Variants in PCDH15 observed in about 807,000 individuals in gnomAD.
PCDH15 encodes protocadherin related 15.
In PCDH15, 129 loss-of-function variants were observed where a neutral mutation model predicts 178.5. That is an observed-to-expected ratio of 0.72 (90% CI 0.63 to 0.84). The LOEUF is 0.84. Ranked by LOEUF, PCDH15 falls within the 40% of genes least tolerant of loss-of-function variation. The probability of loss-of-function intolerance (pLI) is 0.00; values close to 1 mark genes in which losing one functional copy is unlikely to be tolerated. For missense variants in PCDH15, 2,230 were observed against 2,099.9 expected, an observed-to-expected ratio of 1.06 and a Z score of -1.21; for synonymous variants, 800 against 732.0, an observed-to-expected ratio of 1.09 and a Z score of -1.50.
chr10:54,619,871 T>C (rs1386434399), intron 2 of PCDH15, among the ~76,000 whole-genome samples: 3 of 152,058 alleles, frequency 2.0e-5, no homozygotes, highest in Admixed American at 6.6e-5. Flanking sequence ...ACTGATTGTG[T>C]TATCCAAGAC....
chr10:55,074,354 CCA>C (rs1564773816), intron 2 of PCDH15, among the ~76,000 whole-genome samples: 1 of 152,120 alleles, frequency 6.6e-6, no homozygotes, highest in African/African-American at 2.4e-5. Context: ...TCCTATTTCT[CCA>C]CAGTCTTACC....
At chr10:54,950,598 C>T (rs1211108497) in intron 2 of PCDH15, among the ~76,000 whole-genome samples, 1 of 151,958 alleles carries the variant, frequency 6.6e-6, no homozygotes, top group Non-Finnish European at 1.5e-5. Context: ...GTAAATTGCC[C>T]AGTCTTGGGT....
intron 23 of PCDH15, among the ~76,000 whole-genome samples, 198 bp from the exon 24 acceptor site, chr10:53,941,173 T>C (rs186138952): frequency 7.5e-4 from 114 of 152,280 alleles, no homozygotes; most frequent in African/African-American, 2.7e-3. Context: ...ATTGACCCAT[T>C]ATCACTGAAA....
At chr10:54,311,662 G>A (rs1386052394) in intron 8 of PCDH15, among the ~76,000 whole-genome samples, 1 of 151,966 alleles carries the variant, frequency 6.6e-6, no homozygotes, top group Non-Finnish European at 1.5e-5. Flanking sequence ...AATTAGCAGA[G>A]TACTATGAAT....
intron 2 of PCDH15, among the ~76,000 whole-genome samples, chr10:54,593,610 T>C (rs573217572): frequency 2.0e-3 from 306 of 152,290 alleles, no homozygotes; most frequent in African/African-American, 6.9e-3. Context: ...GTGATGCCTC[T>C]AGCTTGCTTT....
At chr10:55,009,650 T>G (rs1018292899) in intron 2 of PCDH15, among the ~76,000 whole-genome samples, 1 of 152,114 alleles carries the variant, frequency 6.6e-6, no homozygotes, top group African/African-American at 2.4e-5. Flanking sequence ...TTTACAAGAA[T>G]TATTATTATT....
At chr10:53,944,520 GA>G (rs948624756) in intron 23 of PCDH15, among the ~76,000 whole-genome samples, 8 of 152,132 alleles carry the variant, frequency 5.3e-5, no homozygotes, top group South Asian at 2.1e-4. Flanking sequence ...ATCCATTTAT[GA>G]AAAAAATGCA....
At chr10:55,564,552 C>CTGAT in intron 2 of PCDH15, among the ~76,000 whole-genome samples, 1 of 151,640 alleles carries the variant, frequency 6.6e-6, no homozygotes, top group Non-Finnish European at 1.5e-5. Context: ...GCCCTTCAAA[C>CTGAT]AAAAGACTGA....
At chr10:54,048,758 A>G (rs1239787289) in intron 18 of PCDH15, among the ~76,000 whole-genome samples, 1 of 151,992 alleles carries the variant, frequency 6.6e-6, no homozygotes, top group East Asian at 1.9e-4. Context: ...TGTAGCCTAT[A>G]CTACTGTAGG....
chr10:55,360,949 A>C (rs1317753095), intron 2 of PCDH15, among the ~76,000 whole-genome samples: 1 of 152,052 alleles, frequency 6.6e-6, no homozygotes, highest in South Asian at 2.1e-4. Flanking sequence ...CGTATTCAGA[A>C]TAAACTGATG....
intron 14 of PCDH15, among the ~76,000 whole-genome samples, chr10:54,138,066 G>A (rs1487447788): frequency 6.6e-6 from 1 of 152,162 alleles, no homozygotes. Flanking sequence ...GTGAGTGTCA[G>A]GTTCTTTGTG....
chr10:54,501,511 A>T (rs1350946537), intron 3 of PCDH15, among the ~76,000 whole-genome samples: 1 of 152,136 alleles, frequency 6.6e-6, no homozygotes, highest in African/African-American at 2.4e-5. Flanking sequence ...AACAACTTTG[A>T]AAAGAATTTC....
At chr10:54,210,702 A>G (rs2051333928) in intron 10 of PCDH15, among the ~76,000 whole-genome samples, 1 of 151,942 alleles carries the variant, frequency 6.6e-6, no homozygotes, top group African/African-American at 2.4e-5. Context: ...AGGGCACTGG[A>G]AGCGGTTTAG....
chr10:54,555,736 C>CAAA (rs869032040), intron 2 of PCDH15, among the ~76,000 whole-genome samples: 12 of 73,376 alleles, frequency 1.6e-4, no homozygotes, highest in Non-Finnish European at 2.1e-4. Flanking sequence ...GACTCTGTCT[C>CAAA]AAAAAAAAAA....
intron 11 of PCDH15, among the ~76,000 whole-genome samples, chr10:54,186,908 T>G (rs533567914): frequency 3.0e-4 from 46 of 152,174 alleles, no homozygotes; most frequent in African/African-American, 1.0e-3. Context: ...AGCATTCTTA[T>G]TTTACACTTT....
intron 2 of PCDH15, among the ~76,000 whole-genome samples, chr10:55,490,667 G>A (rs1198188706): frequency 6.6e-6 from 1 of 151,726 alleles, no homozygotes; most frequent in Non-Finnish European, 1.5e-5. Flanking sequence ...GATAATATCA[G>A]TCTAACCTAT....
intron 26 of PCDH15, among the ~76,000 whole-genome samples, chr10:53,879,403 G>A (rs1377495752): frequency 6.6e-6 from 1 of 152,116 alleles, no homozygotes; most frequent in African/African-American, 2.4e-5. Flanking sequence ...TATAAGGAGG[G>A]TGGGAGCCAA....
chr10:54,225,456 C>T (rs1459647831), intron 9 of PCDH15, among the ~76,000 whole-genome samples: 4 of 152,164 alleles, frequency 2.6e-5, no homozygotes, highest in South Asian at 2.1e-4. Flanking sequence ...TACCTTAGAA[C>T]GTCTCTCTGA....
chr10:55,165,444 A>AT (rs925257531), intron 2 of PCDH15, among the ~76,000 whole-genome samples: 1 of 151,932 alleles, frequency 6.6e-6, no homozygotes, highest in Non-Finnish European at 1.5e-5. Context: ...AATATAATTT[A>AT]TTATTACTAA....
Sources: gnomAD v4.1 joint callset for allele counts (sites outside exome capture counted in the v4.1 genomes callset) on GRCh38, gnomAD v4.1.1 for gene constraint, MANE v1.5 for transcripts, NCBI Gene and HGNC (gene_info 2026-07-23, HGNC 2026-07-21) for gene names.